The following NTRK2 variants were observed in gnomAD, a reference collection of about 807,000 sequenced individuals.
The protein encoded by NTRK2 is BDNF/NT-3 growth factors receptor.
In NTRK2, 13 loss-of-function variants were observed where a neutral mutation model predicts 94.5. The observed-to-expected ratio is 0.14, with a 90% CI of 0.09 to 0.22. The LOEUF (loss-of-function observed/expected upper bound fraction) is 0.22. NTRK2 is among the 10% of genes least tolerant of loss of function. The pLI is 1.00. For missense variants in NTRK2, 639 were observed against 1,071.2 expected, an observed-to-expected ratio of 0.60 and a Z score of 5.63; for synonymous variants, 372 against 407.4, an observed-to-expected ratio of 0.91 and a Z score of 1.05.
chr9:84,961,772 T>C (rs1442017720), intron 17 of NTRK2, among the ~76,000 whole-genome samples: 1 of 152,196 alleles, frequency 6.6e-6, no homozygotes, highest in Non-Finnish European at 1.5e-5. Flanking sequence ...GTAATGTAGA[T>C]ACAAAATGGG....
chr9:84,702,551 A>T, intron 4 of NTRK2, 132 bp downstream of exon 4: 1 of 803,946 alleles, frequency 1.2e-6, no homozygotes, highest in Non-Finnish European at 2.2e-6. Context: ...AATAGCTTAG[A>T]AACATTAGCT....
intron 6 of NTRK2, 48 bp downstream of exon 6, chr9:84,710,839 C>T (rs976042411): frequency 1.3e-6 from 2 of 1,595,534 alleles, no homozygotes; most frequent in African/African-American, 1.3e-5. Context: ...TAATTATTCT[C>T]ATTGCCTTGG....
At chr9:84,814,115 G>A in intron 12 of NTRK2, 1 of 1,065,394 alleles carries the variant, frequency 9.4e-7, no homozygotes, top group Non-Finnish European at 1.1e-6. Context: ...TTTCATTTCT[G>A]ACCCACTAGG....
chr9:84,866,476 T>C (rs2075600384), intron 13 of NTRK2, among the ~76,000 whole-genome samples: 1 of 152,196 alleles, frequency 6.6e-6, no homozygotes. Context: ...AGAACAACTT[T>C]CAATGCTCTG....
At chr9:84,764,121 A>G (rs2065833757) in intron 12 of NTRK2, among the ~76,000 whole-genome samples, 1 of 152,240 alleles carries the variant, frequency 6.6e-6, no homozygotes, top group South Asian at 2.1e-4. Flanking sequence ...CACATCTGGA[A>G]TCACATTGTG....
chr9:84,885,300 A>G (rs920721598), intron 14 of NTRK2, among the ~76,000 whole-genome samples: 1 of 152,240 alleles, frequency 6.6e-6, no homozygotes, highest in Non-Finnish European at 1.5e-5. Flanking sequence ...ATGACCAACC[A>G]CTAAAAGAAT....
intron 12 of NTRK2, among the ~76,000 whole-genome samples, chr9:84,829,740 T>C (rs1205610470): frequency 6.6e-6 from 1 of 152,190 alleles, no homozygotes; most frequent in Non-Finnish European, 1.5e-5. Flanking sequence ...CTGGGATTGT[T>C]CAGGGATTTA....
At chr9:84,728,870 A>G (rs932520596) in intron 9 of NTRK2, among the ~76,000 whole-genome samples, 3 of 152,248 alleles carry the variant, frequency 2.0e-5, no homozygotes, top group African/African-American at 7.2e-5. Context: ...GCTGTCCTTC[A>G]GTGGAGTGTT....
chr9:84,784,166 G>A (rs368191042), intron 12 of NTRK2, among the ~76,000 whole-genome samples: 7 of 152,180 alleles, frequency 4.6e-5, no homozygotes, highest in African/African-American at 1.7e-4. Context: ...AGCACTGCCG[G>A]TTACTAGTTG....
intron 12 of NTRK2, among the ~76,000 whole-genome samples, chr9:84,753,799 G>A (rs1175895913): frequency 6.6e-6 from 1 of 152,148 alleles, no homozygotes; most frequent in East Asian, 1.9e-4. Context: ...AGAGTTTCTG[G>A]TCTTGAAGGG....
chr9:84,797,611 A>ATATATTATATATTATATATAT (rs2069557743), intron 12 of NTRK2, among the ~76,000 whole-genome samples: 1 of 54,714 alleles, frequency 1.8e-5, no homozygotes, highest in African/African-American at 8.9e-5. Context: ...ATTATATATA[A>ATATATTATATATTATATATAT]TATATATACT....
chr9:84,805,787 A>G (rs2071041678), intron 12 of NTRK2, among the ~76,000 whole-genome samples: 1 of 152,138 alleles, frequency 6.6e-6, no homozygotes, highest in Non-Finnish European at 1.5e-5. Context: ...GGATTAATGG[A>G]TTGTCACAGG....
At chr9:84,961,396 A>G (rs1330525443) in intron 17 of NTRK2, among the ~76,000 whole-genome samples, 2 of 152,234 alleles carry the variant, frequency 1.3e-5, no homozygotes, top group South Asian at 2.1e-4. Context: ...TTATGAAATC[A>G]TCTTCAATTA....
At chr9:84,862,225 G>T (rs1372406037) in intron 13 of NTRK2, among the ~76,000 whole-genome samples, 1 of 152,172 alleles carries the variant, frequency 6.6e-6, no homozygotes, top group Admixed American at 6.6e-5. Context: ...CTCCCTAGGG[G>T]CAAATTTCAG....
At chr9:84,688,751 A>T (rs140856808) in intron 2 of NTRK2, among the ~76,000 whole-genome samples, 50 of 152,304 alleles carry the variant, frequency 3.3e-4, no homozygotes, top group African/African-American at 1.2e-3. Context: ...AGATTGTAAA[A>T]ACTGTGCCTG....
chr9:84,745,303 A>G (rs1588316382), intron 11 of NTRK2, among the ~76,000 whole-genome samples: 1 of 152,172 alleles, frequency 6.6e-6, no homozygotes, highest in African/African-American at 2.4e-5. Flanking sequence ...AGTGGTTCCT[A>G]TTTCAATTAT....
chr9:84,866,978 A>G (rs2075624957), intron 13 of NTRK2, among the ~76,000 whole-genome samples: 1 of 152,216 alleles, frequency 6.6e-6, no homozygotes, highest in Non-Finnish European at 1.5e-5. Context: ...ACCACGTGTT[A>G]TATGGTTCCA....
intron 12 of NTRK2, among the ~76,000 whole-genome samples, chr9:84,859,252 T>A (rs1379761798): frequency 6.6e-6 from 1 of 152,138 alleles, no homozygotes; most frequent in African/African-American, 2.4e-5. Flanking sequence ...ACACCAATGG[T>A]GGGGAATTCA....
rs2058590425 is a variant in NTRK2 at position 84,669,918 on chromosome 9, C to T, written c.-373+30C>T. On this transcript the variant is annotated intron_variant, in intron 1 of 18. Coordinates refer to ENST00000277120, the MANE Select transcript of NTRK2 (RefSeq NM_006180.6). The surrounding 1 kb of genome is among the most constrained non-coding windows in gnomAD (Gnocchi z 4.1). ...GCAGCGCAGATAGTGCCCTCGGTCGCCTCGGCCCTCACTGTCTCCCCCTGG... is the reference window on the plus strand; with the variant it reads ...GCAGCGCAGATAGTGCCCTCGGTCGTCTCGGCCCTCACTGTCTCCCCCTGG... The T allele has an allele frequency of 6.6e-6, 1 of 152,350 alleles. No individual in the cohort carries two copies. Among genetic ancestry groups the T allele is most frequent in the African/African-American group, 2.4e-5 (1 of 41,462 alleles). The allele number at this position is 152,350 out of a possible 1,614,324, so 9.4% of individuals were successfully genotyped here.
Sources: gnomAD v4.1 joint callset for allele counts (sites outside exome capture counted in the v4.1 genomes callset) on GRCh38, gnomAD v4.1.1 for gene constraint, Gnocchi (gnomAD v3.1) non-coding constraint, MANE v1.5 for transcripts, NCBI Gene and HGNC (gene_info 2026-07-23, HGNC 2026-07-21) for gene names.